TNS3: variants seen among roughly 807,000 people sequenced by gnomAD.
TNS3 encodes tensin 3, also known as tensin-3.
Under a neutral mutation model 140.9 loss-of-function variants are expected in TNS3, and 45 were observed. The ratio of observed to expected loss-of-function variants is 0.32; its 90% CI spans 0.25 to 0.41. The LOEUF (loss-of-function observed/expected upper bound fraction) is 0.41. Ranked by LOEUF, TNS3 falls within the 10% of genes least tolerant of loss-of-function variation. The pLI is 1.00. For synonymous variants in TNS3, 815 were observed against 788.4 expected, an observed-to-expected ratio of 1.03 and a Z score of -0.56; for missense variants, 1,716 against 1,906.7, an observed-to-expected ratio of 0.90 and a Z score of 1.86.
At chr7:47,465,875 G>A (rs1389645401) in intron 4 of TNS3, among the ~76,000 whole-genome samples, 2 of 150,384 alleles carry the variant, frequency 1.3e-5, no homozygotes, top group Non-Finnish European at 3.0e-5. Context: ...TGTGAGCCGA[G>A]ATCACACCAT....
chr7:47,486,200 GGTGA>G lies in TNS3; in HGVS notation c.-114-5063_-114-5060del, dbSNP rs1295605467. On this transcript the variant is annotated intron_variant, in intron 3 of 30. Coordinates refer to ENST00000311160, the MANE Select transcript of TNS3 (RefSeq NM_022748.12). ...AGTGTTGTGAGTTTGCATATGAGTG[GGTGA>G]GTCAGTAGTTATGTGCATGGGAGTG... Among the ~76,000 whole-genome samples, 4 of 152,184 alleles carry G rather than the reference GGTGA, an allele frequency of 2.6e-5. No homozygotes were observed. The East Asian group carries it at 7.7e-4, about 29-fold the overall frequency.
chr7:47,398,716 A>C (rs916946864), intron 15 of TNS3, among the ~76,000 whole-genome samples: 4 of 152,216 alleles, frequency 2.6e-5, no homozygotes, highest in Admixed American at 6.5e-5. Flanking sequence ...AGCCAATGTC[A>C]TACTGAATGG....
At chr7:47,426,470 T>G (rs1458496959) in intron 9 of TNS3, among the ~76,000 whole-genome samples, 2 of 152,234 alleles carry the variant, frequency 1.3e-5, no homozygotes, top group African/African-American at 4.8e-5. Flanking sequence ...CCCATTTAAT[T>G]GAAAGGCACT....
At chr7:47,453,280 G>A (rs997788267) in intron 4 of TNS3, 6 of 983,440 alleles carry the variant, frequency 6.1e-6, no homozygotes, top group African/African-American at 3.5e-5. Context: ...CAAGAACAGC[G>A]CTCTCCGGGA....
chr7:47,503,099 T>A (rs1223673240), intron 3 of TNS3, among the ~76,000 whole-genome samples: 1 of 152,112 alleles, frequency 6.6e-6, no homozygotes, highest in East Asian at 1.9e-4. Context: ...CCTCACTAAC[T>A]CCTGCGTATG....
At chr7:47,290,198 A>C (rs933137506) in intron 27 of TNS3, among the ~76,000 whole-genome samples, 1 of 152,208 alleles carries the variant, frequency 6.6e-6, no homozygotes, top group African/African-American at 2.4e-5. Flanking sequence ...ATAAAAAATG[A>C]ATCAAGACAC....
At chr7:47,282,850 T>G (rs1352671585) in intron 28 of TNS3, among the ~76,000 whole-genome samples, 1 of 152,124 alleles carries the variant, frequency 6.6e-6, no homozygotes, top group Non-Finnish European at 1.5e-5. Flanking sequence ...GATCCTGCCT[T>G]CAACCTCCCA....
chr7:47,507,077 G>C, intron 2 of TNS3, 133 bp from the exon 3 acceptor site: 1 of 651,630 alleles, frequency 1.5e-6, no homozygotes, highest in South Asian at 1.8e-5. Flanking sequence ...TCTGGCACGA[G>C]AGAGATTTTT....
At chr7:47,291,604 T>C (rs1227551255) in intron 27 of TNS3, among the ~76,000 whole-genome samples, 3 of 152,222 alleles carry the variant, frequency 2.0e-5, no homozygotes, top group Non-Finnish European at 1.5e-5. Context: ...CATTGACTCA[T>C]GTCAAGTGAC....
intron 2 of TNS3, among the ~76,000 whole-genome samples, chr7:47,521,992 C>T (rs560883918): frequency 4.6e-5 from 7 of 152,222 alleles, no homozygotes; most frequent in Admixed American, 1.3e-4. Flanking sequence ...GTCTGCACGG[C>T]GATGGAGACC....
intron 2 of TNS3, among the ~76,000 whole-genome samples, chr7:47,527,905 TC>T (rs1799256657): frequency 6.9e-6 from 1 of 143,994 alleles, no homozygotes; most frequent in South Asian, 2.2e-4. Flanking sequence ...AGACCCTGTC[TC>T]CAAAAAAAAA....
chr7:47,358,767 A>G (rs1790151309), intron 17 of TNS3, among the ~76,000 whole-genome samples: 1 of 152,172 alleles, frequency 6.6e-6, no homozygotes, highest in African/African-American at 2.4e-5. Context: ...TGTCCCTGAG[A>G]CTGTGGATTT....
rs149013457 is a variant in TNS3 at position 47,549,336 on chromosome 7, C to T, written c.-264-20189G>A. On this transcript the variant is annotated intron_variant, in intron 1 of 30. Coordinates refer to ENST00000311160, the MANE Select transcript of TNS3 (RefSeq NM_022748.12). ...TGAAACCCTGTCTCTACTAAAAATACCAAAAAAACTTAGCCATGTGTGGTG... is the reference window on the plus strand; with the variant it reads ...TGAAACCCTGTCTCTACTAAAAATATCAAAAAAACTTAGCCATGTGTGGTG... Among the ~76,000 whole-genome samples, 1,053 of 152,112 alleles carry T rather than the reference C, an allele frequency of 6.9e-3. 13 individuals carry two copies. The highest frequency in any genetic ancestry group is 0.024 in the African/African-American group (1,008 of 41,498).
intron 4 of TNS3, among the ~76,000 whole-genome samples, chr7:47,474,775 ACACCT>A: frequency 1.3e-5 from 2 of 149,186 alleles, no homozygotes; most frequent in South Asian, 4.3e-4. Flanking sequence ...CACAACACAC[ACACCT>A]CACACACAAC....
intron 20 of TNS3, among the ~76,000 whole-genome samples, chr7:47,322,543 C>A (rs1017294885): frequency 2.0e-5 from 3 of 151,724 alleles, no homozygotes; most frequent in East Asian, 3.9e-4. Flanking sequence ...CAAACAAACA[C>A]ACACACACAC....
chr7:47,437,115 A>G (rs1795223068), intron 7 of TNS3, 148 bp downstream of exon 7: 1 of 501,858 alleles, frequency 2.0e-6, no homozygotes, highest in African/African-American at 2.1e-5. Flanking sequence ...AAACTGAAAA[A>G]AAAGTAATTA....
intron 20 of TNS3, among the ~76,000 whole-genome samples, chr7:47,320,439 C>T (rs978771692): frequency 2.0e-5 from 3 of 152,210 alleles, no homozygotes; most frequent in African/African-American, 7.2e-5. Context: ...GCTTGGGCTG[C>T]TATAAAAAAT....
At chr7:47,488,363 C>T (rs1304257023) in intron 3 of TNS3, among the ~76,000 whole-genome samples, 1 of 152,158 alleles carries the variant, frequency 6.6e-6, no homozygotes, top group Non-Finnish European at 1.5e-5. Context: ...AACAACATAC[C>T]ACAGAATGGG....
intron 27 of TNS3, among the ~76,000 whole-genome samples, chr7:47,289,722 A>G (rs1785595760): frequency 6.6e-6 from 1 of 152,256 alleles, no homozygotes; most frequent in African/African-American, 2.4e-5. Flanking sequence ...GAACACTATT[A>G]AACTTTGATG....
Sources: allele counts gnomAD v4.1 joint callset (sites outside exome capture counted in the v4.1 genomes callset), GRCh38; gene constraint gnomAD v4.1.1; transcripts MANE v1.5; gene names NCBI Gene and HGNC (gene_info 2026-07-23, HGNC 2026-07-21).